The following EDA variants were observed in gnomAD, a reference collection of about 807,000 sequenced individuals.
EDA encodes the protein ectodysplasin A.
Under a neutral mutation model 23.6 loss-of-function variants are expected in EDA, and 2 were observed. The ratio of observed to expected loss-of-function variants is 0.08; its 90% CI spans 0.03 to 0.27. The LOEUF is 0.27. EDA is among the 10% of genes least tolerant of loss of function. The pLI is 1.00. For synonymous variants in EDA, 131 were observed against 132.0 expected (o/e 0.99, Z 0.05); for missense variants, 229 against 324.2 (o/e 0.71, Z 2.26).
At chrX:69,778,995 G>A (rs1045292121) in intron 1 of EDA, among the ~76,000 whole-genome samples, 3 of 111,451 alleles carry the variant, frequency 2.7e-5, no homozygotes, top group African/African-American at 9.8e-5. Context: ...AAATGAGTAT[G>A]GCTGTGTTCT....
At position 69,770,942 on chromosome X, in the gene EDA, G is replaced by A. The variant is rs998022030; in HGVS notation, c.396+154238G>A. Among the ~76,000 whole-genome samples the A allele has an allele frequency of 9.0e-5, 10 of 111,584 alleles. No individual in the cohort carries two copies. The East Asian group carries it at 2.8e-3, about 31-fold the overall frequency. ...AGCAGTTTTTTCCTTTCTGACTATA[G>A]ATGTTCAACTGCTCTAGCATCATTT... On this transcript the variant is annotated intron_variant, in intron 1 of 7. Transcript: ENST00000374552.
intron 1 of EDA, among the ~76,000 whole-genome samples, chrX:69,775,815 T>G (rs1480770049): frequency 8.9e-6 from 1 of 112,148 alleles, no homozygotes; most frequent in East Asian, 2.8e-4. Context: ...GTATTTTGGT[T>G]TTGATGCATA....
intron 1 of EDA, among the ~76,000 whole-genome samples, chrX:69,707,030 T>C (rs2011755677): frequency 9.0e-6 from 1 of 111,298 alleles, no homozygotes; most frequent in African/African-American, 3.3e-5. Flanking sequence ...GAGAGAAAGA[T>C]AAAGAACAGT....
intron 1 of EDA, among the ~76,000 whole-genome samples, chrX:69,666,489 G>A (rs1339471145): frequency 2.7e-5 from 3 of 112,308 alleles, no homozygotes; most frequent in African/African-American, 9.7e-5. Flanking sequence ...ACTTTTGAAA[G>A]TTTTTGTCAA....
At chrX:69,813,653 G>T (rs2016012288) in intron 1 of EDA, among the ~76,000 whole-genome samples, 1 of 111,693 alleles carries the variant, frequency 9.0e-6, no homozygotes, top group Non-Finnish European at 1.9e-5. Flanking sequence ...GAAAGGTAAG[G>T]AAACAACATA....
At chrX:69,865,085 A>G (rs1228393772) in intron 1 of EDA, among the ~76,000 whole-genome samples, 1 of 111,173 alleles carries the variant, frequency 9.0e-6, no homozygotes, top group Non-Finnish European at 1.9e-5. Flanking sequence ...AATCAAGGAC[A>G]CAGAGAAATG....
chrX:69,785,107 G>A (rs1362644337), intron 1 of EDA, among the ~76,000 whole-genome samples: 3 of 103,471 alleles, frequency 2.9e-5, no homozygotes, highest in African/African-American at 1.1e-4. Flanking sequence ...TGTTGTTGGT[G>A]TATAAGAATG....
intron 1 of EDA, among the ~76,000 whole-genome samples, chrX:69,763,364 T>A (rs2014369241): frequency 1.8e-5 from 2 of 111,671 alleles, no homozygotes; most frequent in African/African-American, 6.5e-5. Flanking sequence ...GAACATACAT[T>A]TGGTGGGTAT....
intron 1 of EDA, among the ~76,000 whole-genome samples, chrX:69,912,844 C>T (rs1053815397): frequency 9.5e-6 from 1 of 105,196 alleles, no homozygotes; most frequent in Non-Finnish European, 1.9e-5. Context: ...TCTTGACTCA[C>T]GCAACTTCTG....
intron 1 of EDA, among the ~76,000 whole-genome samples, chrX:69,636,181 C>T (rs1177962790): frequency 9.0e-6 from 1 of 110,544 alleles, no homozygotes; most frequent in Non-Finnish European, 1.9e-5. Context: ...TCATTAATGG[C>T]TTGATGTTGT....
chrX:69,645,604 A>T (rs6525320), intron 1 of EDA, among the ~76,000 whole-genome samples: 1 of 38,559 alleles, frequency 2.6e-5, no homozygotes, highest in Non-Finnish European at 4.2e-5. Flanking sequence ...GTGTGTGTGT[A>T]TATATATATA....
At chrX:70,009,735 C>T (rs1569399930) in intron 2 of EDA, among the ~76,000 whole-genome samples, 1 of 111,252 alleles carries the variant, frequency 9.0e-6, no homozygotes, top group Non-Finnish European at 1.9e-5. Flanking sequence ...TACAGGCATG[C>T]ACCACCATGC....
Position 69,822,975 on chromosome X carries a change from C to G in EDA, c.397-134052C>G, listed in dbSNP as rs186301349. Among the ~76,000 whole-genome samples, 42 of 99,324 alleles carry G rather than the reference C, an allele frequency of 4.2e-4. No homozygotes were observed. The East Asian group carries it at 0.013, about 30-fold the overall frequency. The allele number at this position is 99,324 out of a possible 115,157, so 86.3% of individuals were successfully genotyped here. On this transcript the variant is annotated intron_variant, in intron 1 of 7. Coordinates refer to ENST00000374552, the MANE Select transcript of EDA (RefSeq NM_001399.5). ...TGTTTTTTGTTCTTGTGATAGTTTA[C>G]TGAGAATGATGATTTCCAATTTCAT...
chrX:69,932,497 G>T (rs1206090103), intron 1 of EDA, among the ~76,000 whole-genome samples: 1 of 111,348 alleles, frequency 9.0e-6, no homozygotes, highest in African/African-American at 3.3e-5. Context: ...AAATAATAGA[G>T]ACGGGCTATT....
chrX:70,028,612 C>T (rs916491033), intron 4 of EDA, among the ~76,000 whole-genome samples: 1 of 112,497 alleles, frequency 8.9e-6, no homozygotes, highest in Non-Finnish European at 1.9e-5. Flanking sequence ...AACCCAGGCA[C>T]CAAGGCTGTC....
At chrX:69,885,536 G>C (rs1241113436) in intron 1 of EDA, among the ~76,000 whole-genome samples, 2 of 111,826 alleles carry the variant, frequency 1.8e-5, no homozygotes. Context: ...TCTCTTTAAG[G>C]CTGAATGGGA....
intron 1 of EDA, among the ~76,000 whole-genome samples, chrX:69,916,101 C>G (rs2018338491): frequency 9.0e-6 from 1 of 111,621 alleles, no homozygotes; most frequent in Non-Finnish European, 1.9e-5. Context: ...TATACTCTCT[C>G]GACCCCAACT....
At chrX:69,974,801 C>T (rs1447609019) in intron 2 of EDA, among the ~76,000 whole-genome samples, 1 of 111,274 alleles carries the variant, frequency 9.0e-6, no homozygotes, top group Non-Finnish European at 1.9e-5. Context: ...TAAAAATGGG[C>T]AAAAGATATG....
intron 1 of EDA, among the ~76,000 whole-genome samples, chrX:69,792,108 C>G (rs2015421451): frequency 9.0e-6 from 1 of 110,542 alleles, no homozygotes; most frequent in African/African-American, 3.3e-5. Flanking sequence ...ATTCCTCGTC[C>G]CCCTTCTAAC....
Sources: allele counts gnomAD v4.1 joint callset (sites outside exome capture counted in the v4.1 genomes callset), GRCh38; gene constraint gnomAD v4.1.1; transcripts MANE v1.5; gene names NCBI Gene and HGNC (gene_info 2026-07-23, HGNC 2026-07-21).